The following ERLEC1 variants were observed in gnomAD, a reference collection of about 807,000 sequenced individuals.
ERLEC1 encodes ER lectin.
Under a neutral mutation model 68.0 loss-of-function variants are expected in ERLEC1, and 47 were observed. That is an observed-to-expected ratio of 0.69 (90% CI 0.55 to 0.88). ERLEC1 has a LOEUF of 0.88. Among genes scored for constraint, ERLEC1 ranks in the 40% least tolerant of loss-of-function variants. ERLEC1 has a pLI of 0.00. For missense variants in ERLEC1, 567 were observed against 583.8 expected (o/e 0.97, Z 0.30); for synonymous variants, 225 against 203.2 (o/e 1.11, Z -0.91).
intron 8 of ERLEC1, among the ~76,000 whole-genome samples, chr2:53,806,983 C>G (rs1461689374): frequency 2.0e-5 from 3 of 152,158 alleles, no homozygotes; most frequent in African/African-American, 7.2e-5. Flanking sequence ...CATCTCTCAC[C>G]TGGGTTACTG....
intron 1 of ERLEC1, among the ~76,000 whole-genome samples, chr2:53,791,671 A>G (rs991738662): frequency 6.6e-6 from 1 of 152,196 alleles, no homozygotes; most frequent in Non-Finnish European, 1.5e-5. Flanking sequence ...ATGAAAGACT[A>G]TTATTTGCAT....
chr2:53,809,374 G>T, intron 10 of ERLEC1, 101 bp downstream of exon 10: 1 of 862,798 alleles, frequency 1.2e-6, no homozygotes, highest in Non-Finnish European at 1.7e-6. Flanking sequence ...TTAATTATGA[G>T]ATGATTTTAA....
At chr2:53,806,851 C>G (rs2253760) in intron 8 of ERLEC1, among the ~76,000 whole-genome samples, 69,639 of 151,978 alleles carry the variant, frequency 0.46, 16,285 homozygotes, top group African/African-American at 0.54. Context: ...TTCAGGTCTA[C>G]ATTCATTTCT....
intron 8 of ERLEC1, among the ~76,000 whole-genome samples, chr2:53,806,877 C>A (rs546067837): frequency 6.6e-6 from 1 of 152,272 alleles, no homozygotes; most frequent in Non-Finnish European, 1.5e-5. Flanking sequence ...AGTCAATACC[C>A]ATTTAACCAC....
In ERLEC1 at chr2:53,787,203, G is replaced by A. The variant is rs1225239688; in HGVS notation, c.-8G>A. 4 of 1,594,994 alleles carry A rather than the reference G, an allele frequency of 2.5e-6. No individual in the cohort carries two copies. Among genetic ancestry groups the A allele is most frequent in the East Asian group, 2.2e-5 (1 of 44,684 alleles). On this transcript the variant is annotated 5_prime_UTR_variant, in exon 1 of 14. Coordinates refer to ENST00000185150, the MANE Select transcript of ERLEC1 (RefSeq NM_015701.5). ...TGTGGCGGTGGCTGGAGAAAGCGGC[G>A]GCGGAGGATGGAGGAAGGAGGCGGC...
chr2:53,792,574 T>C (rs1675468903), intron 1 of ERLEC1, among the ~76,000 whole-genome samples: 1 of 152,240 alleles, frequency 6.6e-6, no homozygotes, highest in East Asian at 1.9e-4. Flanking sequence ...AGTTAATGAA[T>C]GTAAAACACT....
intron 9 of ERLEC1, among the ~76,000 whole-genome samples, chr2:53,808,848 C>G (rs1676440510): frequency 6.6e-6 from 1 of 152,148 alleles, no homozygotes; most frequent in African/African-American, 2.4e-5. Flanking sequence ...AGGCTGATCT[C>G]AAACTCCTGG....
intron 10 of ERLEC1, among the ~76,000 whole-genome samples, chr2:53,809,901 A>T (rs1392372726): frequency 1.3e-5 from 2 of 152,070 alleles, no homozygotes; most frequent in African/African-American, 2.4e-5. Flanking sequence ...ACTACTAAAA[A>T]TACAAAAATT....
chr2:53,806,720 G>A (rs1676313621), intron 8 of ERLEC1, among the ~76,000 whole-genome samples: 1 of 152,084 alleles, frequency 6.6e-6, no homozygotes, highest in Non-Finnish European at 1.5e-5. Flanking sequence ...GCTGGTTAAC[G>A]GTAACTGCAG....
chr2:53,787,137 A>ACCTCCT lies in ERLEC1; in HGVS notation c.-60_-55dup, dbSNP rs941817958. ...TTATAGTCCCGCCGCCTCCTCCTCC[A>ACCTCCT]CCTCCTCCTCCTCCTCCTCTCCTCC... On this transcript the variant is annotated 5_prime_UTR_variant, in exon 1 of 14. Coordinates refer to ENST00000185150, the MANE Select transcript of ERLEC1 (RefSeq NM_015701.5). 618 of 1,022,034 alleles carry ACCTCCT rather than the reference A, an allele frequency of 6.0e-4. 1 individual carries two copies. Among genetic ancestry groups the ACCTCCT allele is most frequent in the Non-Finnish European group, 7.5e-4 (578 of 770,800 alleles). The allele number at this position is 1,022,034 out of a possible 1,614,324, so 63.3% of individuals were successfully genotyped here.
At chr2:53,801,316 C>A in intron 6 of ERLEC1, 81 bp from the exon 7 acceptor site, 1 of 948,040 alleles carries the variant, frequency 1.1e-6, no homozygotes, top group East Asian at 2.6e-5. Flanking sequence ...TTCTTCCTTT[C>A]AGAATAATAA....
At chr2:53,806,725 C>G (rs1676313930) in intron 8 of ERLEC1, among the ~76,000 whole-genome samples, 1 of 152,152 alleles carries the variant, frequency 6.6e-6, no homozygotes. Context: ...TTAACGGTAA[C>G]TGCAGCAAGT....
At chr2:53,794,029 A>C (rs1675554235) in intron 1 of ERLEC1, among the ~76,000 whole-genome samples, 1 of 152,208 alleles carries the variant, frequency 6.6e-6, no homozygotes, top group South Asian at 2.1e-4. Context: ...TGGAGATTCC[A>C]AAAGACAGGA....
chr2:53,804,999 T>C (rs1676209274), intron 8 of ERLEC1, among the ~76,000 whole-genome samples: 1 of 143,484 alleles, frequency 7.0e-6, no homozygotes, highest in African/African-American at 2.6e-5. Context: ...CTTTTTTTTT[T>C]TTTTTTTTTT....
At chr2:53,793,109 A>G (rs900408956) in intron 1 of ERLEC1, among the ~76,000 whole-genome samples, 6 of 152,220 alleles carry the variant, frequency 3.9e-5, no homozygotes, top group Non-Finnish European at 8.8e-5. Context: ...ATAGTTGCAC[A>G]GTACCATAAG....
chr2:53,813,158 T>C (rs1676683138), intron 11 of ERLEC1, 85 bp downstream of exon 11: 1 of 1,507,366 alleles, frequency 6.6e-7, no homozygotes, highest in Non-Finnish European at 9.0e-7. Context: ...AATTCAAACA[T>C]TTAAGTAAAA....
chr2:53,807,681 G>C (rs903583143), intron 8 of ERLEC1, among the ~76,000 whole-genome samples: 1 of 152,154 alleles, frequency 6.6e-6, no homozygotes, highest in Admixed American at 6.5e-5. Flanking sequence ...TAGGGACACA[G>C]AGCTTAGCAA....
chr2:53,808,455 C>G lies in ERLEC1; in HGVS notation c.1036C>G (p.Arg346Gly), dbSNP rs778793766. Residue 346 changes from arginine to glycine, a missense_variant, in exon 9 of 14, where the codon CGT becomes GGT. Coordinates refer to ENST00000185150, the MANE Select transcript of ERLEC1 (RefSeq NM_015701.5). ...GTTTCTTAGTGGTTCTTACTGCTTT[C>G]GTGGGGTGAGAAGTAAATCTTCAGT... ...KEFLSGSYCF[R>G]GGVGWWKYEF... 2.5e-6 allele frequency: 4 copies of G among 1,613,372 alleles called. No individual in the cohort carries two copies. The highest frequency in any genetic ancestry group is 3.4e-6 in the Non-Finnish European group (4 of 1,179,910).
At chr2:53,808,248 A>G in intron 8 of ERLEC1, 51 bp from the exon 9 acceptor site, 2 of 1,563,784 alleles carry the variant, frequency 1.3e-6, no homozygotes, top group Admixed American at 4.3e-5. Flanking sequence ...TAACTGAAAA[A>G]AGAAATTAAG....
Sources: allele counts gnomAD v4.1 joint callset (sites outside exome capture counted in the v4.1 genomes callset), GRCh38; gene constraint gnomAD v4.1.1; transcripts MANE v1.5; gene names NCBI Gene and HGNC (gene_info 2026-07-23, HGNC 2026-07-21).